The following BCAS3 variants were observed in gnomAD, a reference collection of about 807,000 sequenced individuals.
The protein encoded by BCAS3 is BCAS4/BCAS3 fusion.
BCAS3 carries 53 observed loss-of-function variants against 116.1 expected under a neutral mutation model. The observed-to-expected ratio is 0.46, with a 90% CI of 0.37 to 0.57. The LOEUF is 0.57. Among genes scored for constraint, BCAS3 ranks in the 20% least tolerant of loss-of-function variants. BCAS3 has a pLI of 0.00. For missense variants in BCAS3, 917 were observed against 1,165.4 expected, an observed-to-expected ratio of 0.79 and a Z score of 3.10; for synonymous variants, 391 against 408.2, an observed-to-expected ratio of 0.96 and a Z score of 0.51.
In BCAS3 at chr17:61,224,160, AT is replaced by A. The variant is rs1228256310; in HGVS notation, c.2425+139598del. Among the ~76,000 whole-genome samples the A allele has an allele frequency of 6.6e-6, 1 of 152,176 alleles. No homozygotes were observed. Among genetic ancestry groups the A allele is most frequent in the Non-Finnish European group, 1.5e-5 (1 of 68,020 alleles). The stretch of plus-strand genomic sequence containing the variant: ...TATGCTTTATCTTTATTATTTTCCC[AT>A]TGATTTATAAGAGAAATCTTTAAGC... On this transcript the variant is annotated intron_variant, in intron 22 of 23. Transcript: ENST00000407086. The surrounding 1 kb of genome is among the most constrained non-coding windows in gnomAD (Gnocchi z 5.7).
chr17:60,684,175 G>T, intron 3 of BCAS3, 139 bp downstream of exon 3: 1 of 716,054 alleles, frequency 1.4e-6, no homozygotes, highest in Non-Finnish European at 2.4e-6. Context: ...CGTAGGGTGG[G>T]ACTACATTAT....
Position 61,034,852 on chromosome 17 carries a change from T to C in BCAS3, c.1762+62T>C. On this transcript the variant is annotated intron_variant, in intron 17 of 23. Coordinates refer to ENST00000407086, the MANE Select transcript of BCAS3 (RefSeq NM_017679.5). This position sits in a 1 kb window ranked among gnomAD's most constrained non-coding sequence, Gnocchi z 5.0. ...TAATTTTTGCTTCTTAAGGAAAATT[T>C]TTAGCAGTTTCCCTAGAATAATCTT... 6.7e-7 allele frequency: 1 copy of C among 1,497,744 alleles called. No individual in the cohort carries two copies. Among genetic ancestry groups the C allele is most frequent in the Non-Finnish European group, 9.0e-7 (1 of 1,105,198 alleles). The allele number at this position is 1,497,744 out of a possible 1,614,324, so 92.8% of individuals were successfully genotyped here.
At chr17:60,910,749 G>A (rs766673012) in intron 12 of BCAS3, 47 bp downstream of exon 12, 1 of 1,499,994 alleles carries the variant, frequency 6.7e-7, no homozygotes, top group South Asian at 1.3e-5. Flanking sequence ...TTGCAAAGAT[G>A]GGGCTAAGAT....
rs572898915 is a variant in BCAS3 at position 60,804,271 on chromosome 17, A to C, written c.404-3733A>C. Among the ~76,000 whole-genome samples the C allele has an allele frequency of 1.1e-4, 17 of 151,018 alleles. No individual in the cohort carries two copies. In the South Asian group the frequency reaches 3.6e-3, roughly 32 times the overall value. On this transcript the variant is annotated intron_variant, in intron 6 of 23. Coordinates refer to ENST00000407086, the MANE Select transcript of BCAS3 (RefSeq NM_017679.5). ...GCTGAGGCGGGTGGATCATAAGGTC[A>C]GGAGTTCGAGACCAGCCTGGCCAAC...
intron 22 of BCAS3, among the ~76,000 whole-genome samples, chr17:61,336,311 C>T (rs960803165): frequency 6.6e-6 from 1 of 152,236 alleles, no homozygotes; most frequent in Non-Finnish European, 1.5e-5. Context: ...GGGCTTTGAA[C>T]ACTTTAATTT....
chr17:60,856,606 G>T (rs374062092), intron 7 of BCAS3, among the ~76,000 whole-genome samples: 1 of 152,002 alleles, frequency 6.6e-6, no homozygotes, highest in Non-Finnish European at 1.5e-5. Flanking sequence ...CATGAGAATC[G>T]CTTGAACCTG....
intron 22 of BCAS3, among the ~76,000 whole-genome samples, chr17:61,293,638 C>A (rs988394633): frequency 6.6e-6 from 1 of 152,136 alleles, no homozygotes; most frequent in Non-Finnish European, 1.5e-5. Flanking sequence ...CATGCTGTTG[C>A]CATATGACCA....
chr17:60,757,300 GCAAGACT>G (rs1341519191), intron 6 of BCAS3, among the ~76,000 whole-genome samples: 1 of 148,272 alleles, frequency 6.7e-6, no homozygotes, highest in East Asian at 2.0e-4. Context: ...GGGCGACAGA[GCAAGACT>G]CTGTCTCAAA....
chr17:60,997,101 A>C (rs897108792), intron 15 of BCAS3, among the ~76,000 whole-genome samples: 2 of 152,130 alleles, frequency 1.3e-5, no homozygotes, highest in Non-Finnish European at 2.9e-5. Flanking sequence ...GGAGTGTGCA[A>C]CCTAGATCTT....
At chr17:61,383,311 G>A (rs534754273) in intron 23 of BCAS3, 1 of 152,412 alleles carries the variant, frequency 6.6e-6, no homozygotes, top group East Asian at 1.9e-4. Flanking sequence ...ACTGTGAGGA[G>A]CTACAAAGCA....
At chr17:61,179,999 C>G (rs1195430892) in intron 22 of BCAS3, among the ~76,000 whole-genome samples, 2 of 150,522 alleles carry the variant, frequency 1.3e-5, no homozygotes, top group Non-Finnish European at 2.9e-5. Flanking sequence ...TTTGTATTCT[C>G]TGAGCTGTTT....
At chr17:60,900,410 G>A (rs374743578) in intron 10 of BCAS3, among the ~76,000 whole-genome samples, 3 of 151,862 alleles carry the variant, frequency 2.0e-5, no homozygotes, top group East Asian at 1.9e-4. Flanking sequence ...GATGTGGGCC[G>A]CTGGAATTCT....
intron 12 of BCAS3, among the ~76,000 whole-genome samples, chr17:60,912,803 C>T (rs1567853222): frequency 6.6e-6 from 1 of 151,988 alleles, no homozygotes; most frequent in Non-Finnish European, 1.5e-5. Flanking sequence ...TACAAGGCCA[C>T]CCACATTTAT....
chr17:61,088,777 T>C lies in BCAS3; in HGVS notation c.2425+4213T>C, dbSNP rs1454423864. On this transcript the variant is annotated intron_variant, in intron 22 of 23. Coordinates refer to ENST00000407086, the MANE Select transcript of BCAS3 (RefSeq NM_017679.5). The surrounding 1 kb of genome is among the most constrained non-coding windows in gnomAD (Gnocchi z 4.2). ...GTTTACTAACAAAGAACTCAGATAA[T>C]TGAGATCGAAAGACAAACTTATGCG... Among the ~76,000 whole-genome samples, 3 of 152,220 alleles carry C rather than the reference T, an allele frequency of 2.0e-5. No homozygotes were observed. Among genetic ancestry groups the C allele is most frequent in the Admixed American group, 1.3e-4 (2 of 15,282 alleles).
chr17:61,122,962 A>G lies in BCAS3; in HGVS notation c.2425+38398A>G, dbSNP rs1175547302. Reference sequence around the variant, plus strand: ...TAAGTCTTTTTTTTTTTTTTTTGAGATGGAGTTTTGCTTTTGTTGCCCAGG... The same window carrying G: ...TAAGTCTTTTTTTTTTTTTTTTGAGGTGGAGTTTTGCTTTTGTTGCCCAGG... On this transcript the variant is annotated intron_variant, in intron 22 of 23. Transcript: ENST00000407086. This position sits in a 1 kb window ranked among gnomAD's most constrained non-coding sequence, Gnocchi z 4.6. 1.4e-5 allele frequency among the ~76,000 whole-genome samples: 2 copies of G among 140,658 alleles called. No individual in the cohort carries two copies. Among genetic ancestry groups the G allele is most frequent in the Non-Finnish European group, 3.1e-5 (2 of 65,348 alleles). The allele number at this position is 140,658 out of a possible 152,430, so 92.3% of individuals were successfully genotyped here. A position where few individuals can be genotyped will look rare whatever the true frequency, so the allele number is the denominator to read the frequency against.
rs1047741938 is a variant in BCAS3, at chr17:61,087,027, C to T, written c.2425+2463C>T. 9.1e-6 allele frequency: 9 copies of T among 984,990 alleles called. No homozygotes were observed. The highest frequency in any genetic ancestry group is 8.7e-5 in the African/African-American group (5 of 57,214). 61.0% of individuals were successfully genotyped at this position (984,990 alleles called of 1,614,324 possible). On this transcript the variant is annotated intron_variant, in intron 22 of 23. Coordinates refer to ENST00000407086, the MANE Select transcript of BCAS3 (RefSeq NM_017679.5). The surrounding 1 kb of genome is among the most constrained non-coding windows in gnomAD (Gnocchi z 4.6). ...ACAAAAATCAAGGTAGCAAGTCTAA[C>T]GAAATCGAGGCTAAATAATTTGAGT...
chr17:60,814,292 T>TGC (rs1205047495), intron 7 of BCAS3, among the ~76,000 whole-genome samples: 3 of 125,352 alleles, frequency 2.4e-5, no homozygotes, highest in Non-Finnish European at 4.7e-5. Context: ...TGTGTGTGTG[T>TGC]GTGTGTGTGT....
In BCAS3 at chr17:61,203,062, AAAATTATTT is replaced by A. The variant is rs2080930933; in HGVS notation, c.2425+118501_2425+118509del. ...ACTGTGCACTAGCTCTCTCTTCAAA[AAAATTATTT>A]AAGTTACATTAAATTTTATTTATTT... On this transcript the variant is annotated intron_variant, in intron 22 of 23. Transcript: ENST00000407086. The surrounding 1 kb of genome is among the most constrained non-coding windows in gnomAD (Gnocchi z 5.7). Among the ~76,000 whole-genome samples the A allele has an allele frequency of 6.6e-6, 1 of 152,206 alleles. No homozygotes were observed. The highest frequency in any genetic ancestry group is 2.4e-5 in the African/African-American group (1 of 41,450).
intron 7 of BCAS3, among the ~76,000 whole-genome samples, chr17:60,840,349 A>G (rs1270590620): frequency 6.6e-6 from 1 of 152,188 alleles, no homozygotes; most frequent in African/African-American, 2.4e-5. Flanking sequence ...TGAGGCTACC[A>G]TCTTTCATGC....
Sources: gnomAD v4.1 joint callset for allele counts (sites outside exome capture counted in the v4.1 genomes callset) on GRCh38, gnomAD v4.1.1 for gene constraint, Gnocchi (gnomAD v3.1) non-coding constraint, MANE v1.5 for transcripts, NCBI Gene and HGNC (gene_info 2026-07-23, HGNC 2026-07-21) for gene names.